Variants in MYO16 observed in about 807,000 individuals in gnomAD.
MYO16 encodes the protein myosin XVI, also known as unconventional myosin-XVI.
A neutral mutation model predicts 205.3 loss-of-function variants in MYO16; 94 were observed. The observed-to-expected ratio is 0.46, with a 90% CI of 0.39 to 0.54. The LOEUF is 0.54. Ranked by LOEUF, MYO16 falls within the 20% of genes least tolerant of loss-of-function variation. The pLI is 0.00. For synonymous variants in MYO16, 988 were observed against 954.0 expected (o/e 1.04, Z -0.66); for missense variants, 2,315 against 2,387.5 (o/e 0.97, Z 0.63).
intron 8 of MYO16, among the ~76,000 whole-genome samples, chr13:108,821,113 A>G (rs1166110741): frequency 1.3e-5 from 2 of 152,200 alleles, no homozygotes; most frequent in South Asian, 4.2e-4. Flanking sequence ...ATACCATAAC[A>G]TCAAAATATT....
chr13:108,878,410 C>T (rs546599178), intron 12 of MYO16, among the ~76,000 whole-genome samples: 1 of 152,114 alleles, frequency 6.6e-6, no homozygotes, highest in African/African-American at 2.4e-5. Flanking sequence ...ACTGGATGGC[C>T]AAACTCCAGG....
At chr13:108,580,962 A>G in the MYO16 span, among the ~76,000 whole-genome samples, 4 of 152,360 alleles carry the variant, frequency 2.6e-5, no homozygotes, top group East Asian at 7.7e-4. Flanking sequence ...TAATTGTTTT[A>G]TAAGCCTTCA....
chr13:108,736,815 A>C (rs1258194148), intron 4 of MYO16, among the ~76,000 whole-genome samples: 1 of 151,956 alleles, frequency 6.6e-6, no homozygotes, highest in Non-Finnish European at 1.5e-5. Context: ...CTCTTATTTC[A>C]TTGAGCAGTG....
At chr13:109,096,878 G>A (rs979229333) in intron 27 of MYO16, among the ~76,000 whole-genome samples, 2 of 152,166 alleles carry the variant, frequency 1.3e-5, no homozygotes, top group African/African-American at 2.4e-5. Flanking sequence ...ACTTGCCAAG[G>A]GCATCATAGC....
intron 20 of MYO16, among the ~76,000 whole-genome samples, chr13:108,988,238 C>T (rs187843389): frequency 7.2e-5 from 11 of 152,260 alleles, no homozygotes; most frequent in East Asian, 3.9e-4. Context: ...TCAACTGCTA[C>T]GTAGTATGGG....
intron 23 of MYO16, among the ~76,000 whole-genome samples, chr13:109,035,192 C>T (rs1020948257): frequency 6.6e-6 from 1 of 152,054 alleles, no homozygotes; most frequent in Non-Finnish European, 1.5e-5. Context: ...TTTATTGCCA[C>T]CCTCTTAGAT....
At chr13:108,883,638 T>C (rs977664897) in intron 13 of MYO16, among the ~76,000 whole-genome samples, 2 of 110,642 alleles carry the variant, frequency 1.8e-5, no homozygotes, top group African/African-American at 6.5e-5. Context: ...CTTCCTAAAC[T>C]TTTTTTTTTT....
chr13:108,658,636 T>C (rs570712622), intron 1 of MYO16, among the ~76,000 whole-genome samples: 1 of 152,308 alleles, frequency 6.6e-6, no homozygotes, highest in East Asian at 1.9e-4. Context: ...TCTGTGATGT[T>C]TTCTTCTCTG....
intron 30 of MYO16, among the ~76,000 whole-genome samples, chr13:109,126,546 T>C (rs1030266951): frequency 2.0e-5 from 3 of 152,230 alleles, no homozygotes; most frequent in African/African-American, 7.2e-5. Flanking sequence ...TAATATTTAT[T>C]ATTTTCTCTG....
At chr13:108,853,916 C>T (rs1367184222) in intron 10 of MYO16, among the ~76,000 whole-genome samples, 1 of 150,710 alleles carries the variant, frequency 6.6e-6, no homozygotes, top group East Asian at 2.0e-4. Flanking sequence ...ATGTTCTGAC[C>T]TTTCAACATG....
At chr13:108,785,821 C>A in intron 5 of MYO16, 78 bp downstream of exon 5, 1 of 961,162 alleles carries the variant, frequency 1.0e-6, no homozygotes, top group East Asian at 2.5e-5. Flanking sequence ...CACAGGTTTG[C>A]TTACATGATT....
chr13:108,911,080 G>T (rs1389127295), intron 16 of MYO16, among the ~76,000 whole-genome samples: 1 of 147,952 alleles, frequency 6.8e-6, no homozygotes, highest in Non-Finnish European at 1.5e-5. Context: ...GAGAGAGAAG[G>T]GTTGCTTCAC....
intron 11 of MYO16, among the ~76,000 whole-genome samples, chr13:108,860,040 G>C (rs1286626690): frequency 3.3e-5 from 5 of 151,646 alleles, no homozygotes; most frequent in Non-Finnish European, 7.4e-5. Context: ...TTTTAGGTTT[G>C]GGTTGTAAAG....
intron 23 of MYO16, among the ~76,000 whole-genome samples, chr13:109,039,172 T>A (rs1886805363): frequency 6.6e-6 from 1 of 152,170 alleles, no homozygotes; most frequent in South Asian, 2.1e-4. Flanking sequence ...AGACATCTAC[T>A]CTGACAAGGC....
chr13:108,547,738 A>G, the MYO16 span, among the ~76,000 whole-genome samples: 2 of 152,242 alleles, frequency 1.3e-5, no homozygotes, highest in Non-Finnish European at 2.9e-5. Context: ...TCGCCATAGA[A>G]ATGCCAAGTG....
At chr13:108,712,787 T>A in intron 3 of MYO16, 56 bp downstream of exon 3, 1 of 1,404,436 alleles carries the variant, frequency 7.1e-7, no homozygotes, top group Non-Finnish European at 9.8e-7. Flanking sequence ...GAGAGTACAT[T>A]ACAGGTTCAA....
chr13:109,153,441 T>C (rs1042457598), intron 32 of MYO16, among the ~76,000 whole-genome samples: 1 of 152,250 alleles, frequency 6.6e-6, no homozygotes, highest in Non-Finnish European at 1.5e-5. Flanking sequence ...GCTATTTCTA[T>C]GTTCATTTAC....
chr13:109,169,979 CACA>C (rs1307817083), intron 33 of MYO16, among the ~76,000 whole-genome samples: 4 of 152,250 alleles, frequency 2.6e-5, no homozygotes, highest in East Asian at 3.9e-4. Flanking sequence ...ATGCTATACA[CACA>C]ACAATTCCTG....
At chr13:108,589,496 G>C in the MYO16 span, among the ~76,000 whole-genome samples, 1 of 152,088 alleles carries the variant, frequency 6.6e-6, no homozygotes, top group Non-Finnish European at 1.5e-5. Context: ...ATTGTTTCAT[G>C]AAATTGTTAT....
Sources: gnomAD v4.1 joint callset for allele counts (sites outside exome capture counted in the v4.1 genomes callset) on GRCh38, gnomAD v4.1.1 for gene constraint, MANE v1.5 for transcripts, NCBI Gene and HGNC (gene_info 2026-07-23, HGNC 2026-07-21) for gene names.